VPS13B: variants seen among roughly 807,000 people sequenced by gnomAD.
VPS13B encodes intermembrane lipid transfer protein VPS13B.
In VPS13B, 285 loss-of-function variants were observed where a neutral mutation model predicts 426.4. That is an observed-to-expected ratio of 0.67 (90% CI 0.61 to 0.74). VPS13B has a LOEUF of 0.74. Among genes scored for constraint, VPS13B ranks in the 30% least tolerant of loss-of-function variants. VPS13B has a pLI of 0.00. For missense variants in VPS13B, 4,537 were observed against 4,782.6 expected, an observed-to-expected ratio of 0.95 and a Z score of 1.51; for synonymous variants, 1,676 against 1,676.4, an observed-to-expected ratio of 1.00 and a Z score of 0.01.
chr8:99,373,971 AT>A (rs1332784366), intron 19 of VPS13B, among the ~76,000 whole-genome samples: 3 of 152,128 alleles, frequency 2.0e-5, no homozygotes, highest in Non-Finnish European at 2.9e-5. Flanking sequence ...CTTATAGTTT[AT>A]TGTAGCACAA....
intron 17 of VPS13B, among the ~76,000 whole-genome samples, chr8:99,257,689 C>G (rs1298549011): frequency 6.6e-6 from 1 of 152,010 alleles, no homozygotes; most frequent in Non-Finnish European, 1.5e-5. Flanking sequence ...AAAATCTTTA[C>G]TGATTTCTCT....
intron 8 of VPS13B, among the ~76,000 whole-genome samples, 184 bp from the exon 9 acceptor site, chr8:99,134,448 A>G (rs1407072515): frequency 6.6e-6 from 1 of 152,146 alleles, no homozygotes; most frequent in Non-Finnish European, 1.5e-5. Flanking sequence ...TGAGACTAGC[A>G]TATTCAACCT....
intron 54 of VPS13B, among the ~76,000 whole-genome samples, chr8:99,847,399 TG>T: frequency 6.6e-6 from 1 of 152,318 alleles, no homozygotes; most frequent in Non-Finnish European, 1.5e-5. Flanking sequence ...TAGAAGTAGG[TG>T]TCAGTCCAGA....
chr8:99,540,029 A>T, intron 30 of VPS13B, among the ~76,000 whole-genome samples: 1 of 1,138 alleles, frequency 8.8e-4, no homozygotes, highest in Non-Finnish European at 2.4e-3. Flanking sequence ...ATATATATAT[A>T]TATATATATA....
At chr8:99,832,271 A>AG in intron 51 of VPS13B, 98 bp from the exon 52 acceptor site, 5 of 1,404,530 alleles carry the variant, frequency 3.6e-6, no homozygotes, top group Non-Finnish European at 4.7e-6. Context: ...AAAAAAAAAA[A>AG]GAAAAGAAAA....
intron 21 of VPS13B, among the ~76,000 whole-genome samples, chr8:99,406,257 T>C (rs1245649215): frequency 1.3e-5 from 2 of 151,978 alleles, no homozygotes; most frequent in Admixed American, 1.3e-4. Flanking sequence ...TTCTCTAGAA[T>C]ATATCTCAAG....
At chr8:99,790,933 G>A (rs186911982) in intron 43 of VPS13B, among the ~76,000 whole-genome samples, 33 of 152,224 alleles carry the variant, frequency 2.2e-4, no homozygotes, top group African/African-American at 7.7e-4. Context: ...GGCCATGAGG[G>A]CTCCTGTATG....
At chr8:99,543,007 A>G (rs1044493142) in intron 30 of VPS13B, among the ~76,000 whole-genome samples, 1 of 152,200 alleles carries the variant, frequency 6.6e-6, no homozygotes, top group African/African-American at 2.4e-5. Flanking sequence ...TTGCCAAGTC[A>G]ATCCTGAGCC....
intron 31 of VPS13B, among the ~76,000 whole-genome samples, chr8:99,567,062 A>G (rs1825226502): frequency 6.6e-6 from 1 of 152,142 alleles, no homozygotes. Context: ...ACCCAGCCAT[A>G]TTATTGAAGC....
At chr8:99,082,372 C>A (rs564601250) in intron 3 of VPS13B, among the ~76,000 whole-genome samples, 22 of 152,042 alleles carry the variant, frequency 1.4e-4, no homozygotes, top group Non-Finnish European at 7.4e-5. Context: ...GCCCTTTGTC[C>A]GATGAGTAAA....
At chr8:99,014,415 GC>G (rs1841500239) in intron 2 of VPS13B, among the ~76,000 whole-genome samples, 1 of 151,902 alleles carries the variant, frequency 6.6e-6, no homozygotes, top group Non-Finnish European at 1.5e-5. Flanking sequence ...ACCGCGCCCG[GC>G]CTGCATAATT....
At chr8:99,685,570 CTGAT>C (rs1230893522) in intron 35 of VPS13B, among the ~76,000 whole-genome samples, 2 of 152,182 alleles carry the variant, frequency 1.3e-5, no homozygotes, top group African/African-American at 4.8e-5. Context: ...ATTGTCTCCT[CTGAT>C]TGTGTATTTT....
chr8:99,111,889 C>A (rs1416756256), intron 6 of VPS13B, among the ~76,000 whole-genome samples: 1 of 152,050 alleles, frequency 6.6e-6, no homozygotes, highest in African/African-American at 2.4e-5. Context: ...CCCACTGATA[C>A]CATCATCCAG....
chr8:99,599,471 A>G (rs1827182661), intron 33 of VPS13B, among the ~76,000 whole-genome samples: 1 of 152,116 alleles, frequency 6.6e-6, no homozygotes, highest in Non-Finnish European at 1.5e-5. Flanking sequence ...TAACTAATTT[A>G]TGATCTTTTC....
intron 33 of VPS13B, among the ~76,000 whole-genome samples, chr8:99,639,092 A>C (rs1829193489): frequency 6.6e-6 from 1 of 152,212 alleles, no homozygotes; most frequent in Non-Finnish European, 1.5e-5. Context: ...TCTCTGAAGT[A>C]GGAGTTATTA....
At chr8:99,824,606 T>C (rs1325487946) in intron 51 of VPS13B, among the ~76,000 whole-genome samples, 1 of 152,156 alleles carries the variant, frequency 6.6e-6, no homozygotes, top group Non-Finnish European at 1.5e-5. Flanking sequence ...TTTTTTTTTT[T>C]TAATTATACT....
chr8:99,595,419 T>A (rs1375090378), intron 33 of VPS13B, among the ~76,000 whole-genome samples: 1 of 151,920 alleles, frequency 6.6e-6, no homozygotes, highest in African/African-American at 2.4e-5. Context: ...TGACTGGATA[T>A]TCCCATGCAA....
At chr8:99,797,795 AT>A (rs1812927543) in intron 43 of VPS13B, among the ~76,000 whole-genome samples, 1 of 152,156 alleles carries the variant, frequency 6.6e-6, no homozygotes. Context: ...TTCTATGAAA[AT>A]TTTTGTTGTT....
chr8:99,743,836 TAA>T (rs1809902534), intron 39 of VPS13B, among the ~76,000 whole-genome samples: 1 of 151,770 alleles, frequency 6.6e-6, no homozygotes, highest in South Asian at 2.1e-4. Flanking sequence ...CAAGATGGAT[TAA>T]AGACTTACAT....
Sources: allele counts gnomAD v4.1 joint callset (sites outside exome capture counted in the v4.1 genomes callset), GRCh38; gene constraint gnomAD v4.1.1; transcripts MANE v1.5; gene names NCBI Gene and HGNC (gene_info 2026-07-23, HGNC 2026-07-21).